IFITM2: variants seen among roughly 807,000 people sequenced by gnomAD.
IFITM2 encodes the protein interferon-induced transmembrane protein 2.
A neutral mutation model predicts 5.9 loss-of-function variants in IFITM2; 3 were observed. The observed-to-expected ratio is 0.51, with a 90% CI of 0.23 to 1.32. The LOEUF (loss-of-function observed/expected upper bound fraction) is 1.32. Ranked by LOEUF, IFITM2 falls within the 40% of genes most tolerant of loss-of-function variation. The probability of loss-of-function intolerance (pLI) is 0.18; values close to 1 mark genes in which losing one functional copy is unlikely to be tolerated. For synonymous variants in IFITM2, 76 were observed against 72.4 expected, an observed-to-expected ratio of 1.05 and a Z score of -0.25; for missense variants, 159 against 175.9, an observed-to-expected ratio of 0.90 and a Z score of 0.54.
chr11:308,022 C>T lies in IFITM2; in HGVS notation c.-171C>T, dbSNP rs113226129. 45,639 of 744,590 alleles carry T rather than the reference C, an allele frequency of 0.061. 1,411 individuals carry two copies. The highest frequency in any genetic ancestry group is 0.072 in the Non-Finnish European group (33,281 of 463,224). The allele number at this position is 744,590 out of a possible 1,614,324, so 46.1% of individuals were successfully genotyped here. On this transcript the variant is annotated 5_prime_UTR_variant, in exon 1 of 2. Coordinates refer to ENST00000616316, the MANE Select transcript of IFITM2 (RefSeq NM_006435.3). The stretch of plus-strand genomic sequence containing the variant: ...CTTAGCCCTCAGCCCCTCTTTCCTC[C>T]CTCTCCTAAAGTAATTTGATCCTCA...
chr11:309,385 A>C lies in IFITM2; in HGVS notation c.*220A>C. The C allele has an allele frequency of 8.0e-7, 1 of 1,255,702 alleles. No individual in the cohort carries two copies. 77.8% of individuals were successfully genotyped at this position (1,255,702 alleles called of 1,614,324 possible). A position where few individuals can be genotyped will look rare whatever the true frequency, so the allele number is the denominator to read the frequency against. The stretch of plus-strand genomic sequence containing the variant: ...TACAATGGCATTCAATAAAGTGTAT[A>C]TGTTTCTGGTGCTGCTGTGACTTCA... On this transcript the variant is annotated 3_prime_UTR_variant, in exon 2 of 2. Transcript: ENST00000616316.
At position 308,295 on chromosome 11, in the gene IFITM2, C is replaced by T. The variant is rs1564848506; in HGVS notation, c.103C>T (p.His35Tyr). The change falls in exon 1 of 2, where the codon CAC becomes TAC. Residue 35 changes from histidine (H) to tyrosine (Y), a missense_variant. Physicochemically the swap from His to Tyr is moderately conservative, Grantham distance 83. Coordinates refer to ENST00000616316, the MANE Select transcript of IFITM2 (RefSeq NM_006435.3). ...GGAAGTGGCTATGCTGGGGGTGCCC[C>T]ACAACCCTGCTCCCCCGATGTCCAC... ...EQEVAMLGVP[H>Y]NPAPPMSTVI... The T allele has an allele frequency of 3.7e-6, 6 of 1,614,016 alleles. No homozygotes were observed. The highest frequency in any genetic ancestry group is 5.1e-6 in the Non-Finnish European group (6 of 1,179,964).
Position 308,179 on chromosome 11 carries a change from C to T in IFITM2, c.-14C>T, listed in dbSNP as rs757153592. ...CTGAGAACCATCCCGGTAACCCGAT[C>T]ACCGCTGGTCACCATGAACCACATT... On this transcript the variant is annotated 5_prime_UTR_variant, in exon 1 of 2. Transcript: ENST00000616316. The T allele has an allele frequency of 4.3e-6, 7 of 1,609,272 alleles. No homozygotes were observed. Among genetic ancestry groups the T allele is most frequent in the Admixed American group, 1.7e-5 (1 of 59,938 alleles).
rs369430693 is a variant in IFITM2, at chr11:309,108, C to T, written c.342C>T (p.Ile114=). Residue 114 remains isoleucine, a synonymous_variant, in exon 2 of 2, where the codon ATC becomes ATT. Coordinates refer to ENST00000616316, the MANE Select transcript of IFITM2 (RefSeq NM_006435.3). ...ACATCTGGGCCCTGATTTTGGGCAT[C>T]TTCATGACCATTCTGCTCATCATCA... ...CLNIWALILG[I]FMTILLIIIP... 2 of 1,614,268 alleles carry T rather than the reference C, an allele frequency of 1.2e-6. No homozygotes were observed. The highest frequency in any genetic ancestry group is 8.5e-7 in the Non-Finnish European group (1 of 1,180,044).
rs1397606224 is a variant in IFITM2, at chr11:308,560, T to C, written c.246+122T>C. On this transcript the variant is annotated intron_variant, in intron 1 of 1. Transcript: ENST00000616316. ...GACTGTGAGTTTGTGTGCACGTCTG[T>C]CCTGTGTGTGCCCACGTCAGTGGCT... 6.3e-6 allele frequency: 9 copies of C among 1,430,592 alleles called. 1 individual carries two copies. In the African/African-American group the frequency reaches 9.8e-5, roughly 16 times the overall value. The allele number at this position is 1,430,592 out of a possible 1,614,324, so 88.6% of individuals were successfully genotyped here.
In IFITM2 at chr11:308,006, C is replaced by T. The variant is rs1486881307; in HGVS notation, c.-187C>T. The T allele has an allele frequency of 4.3e-6, 3 of 702,588 alleles. No individual in the cohort carries two copies. The highest frequency in any genetic ancestry group is 3.6e-5 in the South Asian group (2 of 55,990). The allele number at this position is 702,588 out of a possible 1,614,324, so 43.5% of individuals were successfully genotyped here. On this transcript the variant is annotated 5_prime_UTR_variant, in exon 1 of 2. Transcript: ENST00000616316. The stretch of plus-strand genomic sequence containing the variant: ...TAGAGAGGAAGCCCCTCTTAGCCCT[C>T]AGCCCCTCTTTCCTCCCTCTCCTAA...
Position 309,224 on chromosome 11 carries a change from A to G in IFITM2, c.*59A>G. 1 of 1,613,538 alleles carries G rather than the reference A, an allele frequency of 6.2e-7. No homozygotes were observed. The highest frequency in any genetic ancestry group is 8.5e-7 in the Non-Finnish European group (1 of 1,179,824). On this transcript the variant is annotated 3_prime_UTR_variant, in exon 2 of 2. Transcript: ENST00000616316. ...CCGTGACCTGTATCCCACGTACTCT[A>G]TCTTCCATTCCTCGCCCTGCCCCCA...
Position 309,089 on chromosome 11 carries a change from G to A in IFITM2, c.323G>A (p.Trp108Ter). ...TCCACCGCCAAGTGCCTGAACATCT[G>A]GGCCCTGATTTTGGGCATCTTCATG... The part of the protein sequence containing the change: ...YASTAKCLNI[W>*]ALILGIFMTI... The change falls in exon 2 of 2, where the codon TGG becomes TAG. Residue 108 changes from tryptophan (W) to a stop codon, truncating the protein, a stop_gained. Transcript: ENST00000616316. LOFTEE classifies it low-confidence loss of function (END_TRUNC). 6.2e-7 allele frequency: 1 copy of A among 1,614,218 alleles called. No homozygotes were observed. The highest frequency in any genetic ancestry group is 8.5e-7 in the Non-Finnish European group (1 of 1,180,040).
Position 309,115 on chromosome 11 carries a change from AC to A in IFITM2, c.351del (p.Ile118PhefsTer?). The A allele has an allele frequency of 3.1e-6, 5 of 1,614,174 alleles. No homozygotes were observed. The highest frequency in any genetic ancestry group is 3.4e-6 in the Non-Finnish European group (4 of 1,180,018). On this transcript the variant is annotated frameshift_variant, in exon 2 of 2. Coordinates refer to ENST00000616316, the MANE Select transcript of IFITM2 (RefSeq NM_006435.3). LOFTEE classifies it low-confidence loss of function (END_TRUNC). ...GGCCCTGATTTTGGGCATCTTCATG[AC>A]CATTCTGCTCATCATCATCCCAGTG... ...IWALILGIFMTILLIIIPVLV... is the reference protein window; with the variant it reads ...IWALILGIFMXILLIIIPVLV...
chr11:309,222 C>G lies in IFITM2; in HGVS notation c.*57C>G, dbSNP rs1174145867. ...GCCCGTGACCTGTATCCCACGTACT[C>G]TATCTTCCATTCCTCGCCCTGCCCC... is the stretch of plus-strand genomic sequence containing the variant. On this transcript the variant is annotated 3_prime_UTR_variant, in exon 2 of 2. Transcript: ENST00000616316. The G allele has an allele frequency of 3.7e-6, 6 of 1,613,806 alleles. No individual in the cohort carries two copies. In the South Asian group the frequency reaches 6.6e-5, roughly 18 times the overall value.
At position 308,351 on chromosome 11, in the gene IFITM2, G is replaced by A. The variant is rs1364930191; in HGVS notation, c.159G>A (p.Val53=). Residue 53 remains valine (V), a synonymous_variant, in exon 1 of 2, where the codon GTG becomes GTA. Transcript: ENST00000616316. ...TVIHIRSETS[V]PDHVVWSLFN... ...TCCACATCCGCAGCGAGACCTCCGT[G>A]CCTGACCATGTGGTCTGGTCCCTGT... The A allele has an allele frequency of 9.3e-6, 15 of 1,613,612 alleles. No homozygotes were observed. The highest frequency in any genetic ancestry group is 1.3e-5 in the African/African-American group (1 of 74,846).
Position 308,327 on chromosome 11 carries a change from C to G in IFITM2, c.135C>G (p.Ile45Met). ...CTGCTCCCCCGATGTCCACCGTGAT[C>G]CACATCCGCAGCGAGACCTCCGTGC... ...HNPAPPMSTV[I>M]HIRSETSVPD... The change falls in exon 1 of 2, where the codon ATC becomes ATG. Residue 45 changes from isoleucine to methionine, a missense_variant. Physicochemically the swap from Ile to Met is conservative, Grantham distance 10 (BLOSUM62 1). Coordinates refer to ENST00000616316, the MANE Select transcript of IFITM2 (RefSeq NM_006435.3). 1 of 1,613,968 alleles carries G rather than the reference C, an allele frequency of 6.2e-7. No homozygotes were observed. The highest frequency in any genetic ancestry group is 8.5e-7 in the Non-Finnish European group (1 of 1,179,918).
chr11:309,095 T>C lies in IFITM2; in HGVS notation c.329T>C (p.Leu110Pro). The C allele has an allele frequency of 3.7e-6, 6 of 1,614,212 alleles. No homozygotes were observed. Among genetic ancestry groups the C allele is most frequent in the Non-Finnish European group, 5.1e-6 (6 of 1,180,030 alleles). Reference protein sequence around the residue: ...STAKCLNIWALILGIFMTILL... With the variant: ...STAKCLNIWAPILGIFMTILL... The stretch of plus-strand genomic sequence containing the variant: ...GCCAAGTGCCTGAACATCTGGGCCC[T>C]GATTTTGGGCATCTTCATGACCATT... The change falls in exon 2 of 2, where the codon CTG (leucine) becomes CCG (proline). Residue 110 changes from leucine to proline, a missense_variant. Physicochemically the swap from Leu to Pro is moderately conservative, Grantham distance 98 (BLOSUM62 -3). Coordinates refer to ENST00000616316, the MANE Select transcript of IFITM2 (RefSeq NM_006435.3).
Position 309,327 on chromosome 11 carries a change from C to G in IFITM2, c.*162C>G. 2.6e-6 allele frequency: 4 copies of G among 1,525,728 alleles called. No individual in the cohort carries two copies. Among genetic ancestry groups the G allele is most frequent in the Non-Finnish European group, 3.5e-6 (4 of 1,128,246 alleles). The allele number at this position is 1,525,728 out of a possible 1,614,324, so 94.5% of individuals were successfully genotyped here. A position where few individuals can be genotyped will look rare whatever the true frequency, so the allele number is the denominator to read the frequency against. ...CCTCGCCCTGTCCCCACAGCCGAGT[C>G]CTGCATCAGCCCTTTATCCTCACAC... On this transcript the variant is annotated 3_prime_UTR_variant, in exon 2 of 2. Coordinates refer to ENST00000616316, the MANE Select transcript of IFITM2 (RefSeq NM_006435.3).
Position 309,130 on chromosome 11 carries a change from A to G in IFITM2, c.364A>G (p.Ile122Val), listed in dbSNP as rs1564848827. The G allele has an allele frequency of 2.5e-6, 4 of 1,614,154 alleles. No homozygotes were observed. The highest frequency in any genetic ancestry group is 3.4e-6 in the Non-Finnish European group (4 of 1,180,026). ...CATCTTCATGACCATTCTGCTCATC[A>G]TCATCCCAGTGTTGGTCGTCCAGGC... ...LGIFMTILLI[I>V]IPVLVVQAQR Residue 122 changes from isoleucine to valine, a missense_variant, in exon 2 of 2, where the codon ATC becomes GTC. Coordinates refer to ENST00000616316, the MANE Select transcript of IFITM2 (RefSeq NM_006435.3).
At chr11:308,732 G>A in intron 1 of IFITM2, 1 of 715,680 alleles carries the variant, frequency 1.4e-6, no homozygotes, top group Non-Finnish European at 2.5e-6. Context: ...AGCCCAGTAA[G>A]AAATTACACC....
chr11:308,180 A>C lies in IFITM2; in HGVS notation c.-13A>C. 1 of 1,608,660 alleles carries C rather than the reference A, an allele frequency of 6.2e-7. No homozygotes were observed. The highest frequency in any genetic ancestry group is 8.5e-7 in the Non-Finnish European group (1 of 1,175,746). On this transcript the variant is annotated 5_prime_UTR_variant, in exon 1 of 2. Transcript: ENST00000616316. Reference sequence around the variant, plus strand: ...TGAGAACCATCCCGGTAACCCGATCACCGCTGGTCACCATGAACCACATTG... The same window carrying C: ...TGAGAACCATCCCGGTAACCCGATCCCCGCTGGTCACCATGAACCACATTG...
chr11:308,701 G>T, intron 1 of IFITM2: 1 of 721,352 alleles, frequency 1.4e-6, no homozygotes, highest in South Asian at 1.5e-5. Context: ...CTATCCACTA[G>T]CCCAGAGCAG....
intron 1 of IFITM2, 164 bp from the exon 2 acceptor site, chr11:308,849 A>G (rs1244454429): frequency 3.0e-6 from 3 of 1,000,644 alleles, no homozygotes; most frequent in African/African-American, 1.6e-5. Context: ...GCCAAGGCAG[A>G]AGGAGGATGA....
Sources: allele counts gnomAD v4.1 joint callset, GRCh38; gene constraint gnomAD v4.1.1; transcripts MANE v1.5; gene names NCBI Gene and HGNC (gene_info 2026-07-23, HGNC 2026-07-21).